Variants in C5orf15 observed in about 807,000 individuals in gnomAD.
The protein encoded by C5orf15 is keratinocyte-associated transmembrane protein 2.
In C5orf15, 10 loss-of-function variants were observed where a neutral mutation model predicts 17.8. That is an observed-to-expected ratio of 0.56 (90% CI 0.35 to 0.95). C5orf15 has a LOEUF of 0.95. Ranked by LOEUF, C5orf15 falls within the 40% of genes least tolerant of loss-of-function variation. C5orf15 has a pLI of 0.02. For missense variants in C5orf15, 319 were observed against 331.7 expected (o/e 0.96, Z 0.30); for synonymous variants, 124 against 131.0 (o/e 0.95, Z 0.36).
At chr5:133,962,305 T>C (rs371165455) in intron 1 of C5orf15, among the ~76,000 whole-genome samples, 1 of 152,334 alleles carries the variant, frequency 6.6e-6, no homozygotes. Flanking sequence ...TTTGCTTTCT[T>C]GTTATTACTG....
At position 133,959,884 on chromosome 5, in the gene C5orf15, C is replaced by T. The variant is rs781201368; in HGVS notation, c.276G>A (p.Thr92=). 168 of 1,613,798 alleles carry T rather than the reference C, an allele frequency of 1.0e-4. 1 individual carries two copies. Among genetic ancestry groups the T allele is most frequent in the East Asian group, 1.3e-4 (6 of 44,896 alleles). Residue 92 remains threonine (T), a synonymous_variant, in exon 2 of 3, where the codon ACG becomes ACA. Coordinates refer to ENST00000231512, the MANE Select transcript of C5orf15 (RefSeq NM_020199.3). The stretch of plus-strand genomic sequence containing the variant: ...ATGCTCCTCCACTTTTCTTGGTACT[C>T]GTCGTGGGAGGGAGGGTGGTGCTGA... The part of the protein sequence containing the change: ...SQISTTLPPT[T]STKKSGGASV...
chr5:133,963,761 CTTTTT>C lies in C5orf15; in HGVS notation c.140-3746_140-3742del, dbSNP rs570569434. On this transcript the variant is annotated intron_variant, in intron 1 of 2. Transcript: ENST00000231512. ...CATAGAAAGCTCATTTTATTTTTTT[CTTTTT>C]GAGACAGGGTCTCGCTTTGTCACTT... 2.0e-4 allele frequency among the ~76,000 whole-genome samples: 31 copies of C among 151,536 alleles called. No homozygotes were observed. In the East Asian group the frequency reaches 6.0e-3, roughly 29 times the overall value.
At chr5:133,961,545 CAAAA>C (rs756460747) in intron 1 of C5orf15, among the ~76,000 whole-genome samples, 1 of 61,326 alleles carries the variant, frequency 1.6e-5, no homozygotes, top group African/African-American at 5.5e-5. Flanking sequence ...GACCACATCT[CAAAA>C]AAAAAAAAAA....
chr5:133,967,988 C>T (rs1045856322), intron 1 of C5orf15, among the ~76,000 whole-genome samples: 3 of 152,150 alleles, frequency 2.0e-5, no homozygotes, highest in Non-Finnish European at 2.9e-5. Context: ...ATTCCTGAGT[C>T]CCCCAAACTC....
chr5:133,955,960 C>A lies in C5orf15; in HGVS notation c.*899G>T, dbSNP rs962513987. On this transcript the variant is annotated 3_prime_UTR_variant, in exon 3 of 3. Coordinates refer to ENST00000231512, the MANE Select transcript of C5orf15 (RefSeq NM_020199.3). ...AAATATCCTTTATGTATACAAACAA[C>A]TTCATTCAGGTATAATTTTAATTTG... The A allele has an allele frequency of 6.6e-5, 10 of 152,146 alleles. No homozygotes were observed. Among genetic ancestry groups the A allele is most frequent in the Non-Finnish European group, 1.5e-4 (10 of 68,012 alleles). 9.4% of individuals were successfully genotyped at this position (152,146 alleles called of 1,614,324 possible).
chr5:133,960,125 T>C (rs1206774094), intron 1 of C5orf15, 105 bp from the exon 2 acceptor site: 1 of 941,224 alleles, frequency 1.1e-6, no homozygotes, highest in Non-Finnish European at 1.6e-6. Context: ...TCTGCTACAT[T>C]CCTATAACTT....
rs114978232 is a variant in C5orf15 at position 133,958,068 on chromosome 5, C to T, written c.667-1078G>A. On this transcript the variant is annotated intron_variant, in intron 2 of 2. Coordinates refer to ENST00000231512, the MANE Select transcript of C5orf15 (RefSeq NM_020199.3). ...GTTCATCACAATATTATTTCTGAAC[C>T]AAAAATTGTAAACCATGAATCTAGT... Among the ~76,000 whole-genome samples, 286 of 151,798 alleles carry T rather than the reference C, an allele frequency of 1.9e-3. 1 individual carries two copies. Among genetic ancestry groups the T allele is most frequent in the South Asian group, 9.4e-3 (45 of 4,788 alleles).
intron 1 of C5orf15, among the ~76,000 whole-genome samples, chr5:133,964,416 G>C (rs1752166406): frequency 6.6e-6 from 1 of 152,108 alleles, no homozygotes; most frequent in African/African-American, 2.4e-5. Flanking sequence ...GAGGGGTGAG[G>C]TAGGAGGGAA....
rs372276960 is a variant in C5orf15 at position 133,956,851 on chromosome 5, A to G, written c.*8T>C. 3 of 1,579,628 alleles carry G rather than the reference A, an allele frequency of 1.9e-6. No individual in the cohort carries two copies. The highest frequency in any genetic ancestry group is 8.6e-7 in the Non-Finnish European group (1 of 1,168,690). ...AAAATTACATAAGCAAATTCAAATC[A>G]CAGTGCTTTAAAAAATATAATCATT... On this transcript the variant is annotated 3_prime_UTR_variant, in exon 3 of 3. Coordinates refer to ENST00000231512, the MANE Select transcript of C5orf15 (RefSeq NM_020199.3).
intron 1 of C5orf15, among the ~76,000 whole-genome samples, chr5:133,960,903 G>T (rs1347300072): frequency 1.3e-5 from 2 of 150,906 alleles, no homozygotes; most frequent in African/African-American, 4.9e-5. Context: ...AGTATCTGTT[G>T]AAGAACTTCA....
Position 133,959,851 on chromosome 5 carries a change from G to A in C5orf15, c.309C>T (p.Val103=). Residue 103 remains valine (V), a synonymous_variant, in exon 2 of 3, where the codon GTC becomes GTT. Coordinates refer to ENST00000231512, the MANE Select transcript of C5orf15 (RefSeq NM_020199.3). The part of the protein sequence containing the change: ...STKKSGGASV[V]PHPSPTPLSQ... ...ACAGAGGAGTAGGCGAGGGATGAGG[G>A]ACCACAGATGCTCCTCCACTTTTCT... The A allele has an allele frequency of 6.2e-7, 1 of 1,614,068 alleles. No homozygotes were observed. The highest frequency in any genetic ancestry group is 8.5e-7 in the Non-Finnish European group (1 of 1,179,996).
At chr5:133,961,390 C>CA (rs965403729) in intron 1 of C5orf15, among the ~76,000 whole-genome samples, 5 of 151,168 alleles carry the variant, frequency 3.3e-5, no homozygotes, top group Admixed American at 3.3e-4. Context: ...CTAAAAAATA[C>CA]AAAAAATTAG....
intron 1 of C5orf15, among the ~76,000 whole-genome samples, chr5:133,965,305 C>T (rs928484335): frequency 6.6e-6 from 1 of 152,210 alleles, no homozygotes; most frequent in Non-Finnish European, 1.5e-5. Flanking sequence ...CAGTATCACC[C>T]TATTCATTGT....
chr5:133,962,024 A>G (rs977832629), intron 1 of C5orf15, among the ~76,000 whole-genome samples: 1 of 152,206 alleles, frequency 6.6e-6, no homozygotes, highest in African/African-American at 2.4e-5. Context: ...TGCATTTATC[A>G]CTTCAACTTA....
At chr5:133,957,576 A>C (rs1399288800) in intron 2 of C5orf15, among the ~76,000 whole-genome samples, 1 of 152,224 alleles carries the variant, frequency 6.6e-6, no homozygotes, top group African/African-American at 2.4e-5. Context: ...GCCAAACACT[A>C]AACAGTGGGA....
rs747791240 is a variant in C5orf15 at position 133,968,606 on chromosome 5, G to T, written c.-22C>A. 11 of 1,593,894 alleles carry T rather than the reference G, an allele frequency of 6.9e-6. No homozygotes were observed. The African/African-American group carries it at 1.5e-4, about 21-fold the overall frequency. ...CCATAACGGACTCGGCTGGGAGCCT[G>T]CGCTGTTGCTAGGCTCTACGCCATG... On this transcript the variant is annotated 5_prime_UTR_variant, in exon 1 of 3. Coordinates refer to ENST00000231512, the MANE Select transcript of C5orf15 (RefSeq NM_020199.3).
At chr5:133,963,212 T>C (rs1752147037) in intron 1 of C5orf15, among the ~76,000 whole-genome samples, 1 of 152,234 alleles carries the variant, frequency 6.6e-6, no homozygotes, top group Non-Finnish European at 1.5e-5. Context: ...ACCAATCACA[T>C]TTTCCTCTAA....
intron 1 of C5orf15, among the ~76,000 whole-genome samples, chr5:133,967,711 G>A (rs1040043887): frequency 1.3e-5 from 2 of 152,192 alleles, no homozygotes; most frequent in African/African-American, 4.8e-5. Flanking sequence ...GAGGAATCAT[G>A]ATCTCCCTTG....
chr5:133,956,083 T>C lies in C5orf15; in HGVS notation c.*776A>G, dbSNP rs893333628. The C allele has an allele frequency of 1.1e-4, 17 of 152,644 alleles. No individual in the cohort carries two copies. Among genetic ancestry groups the C allele is most frequent in the African/African-American group, 3.6e-4 (15 of 41,456 alleles). 9.5% of individuals were successfully genotyped at this position (152,644 alleles called of 1,614,324 possible). A position where few individuals can be genotyped will look rare whatever the true frequency, so the allele number is the denominator to read the frequency against. ...AACGAAGTAAACGAATCTGATATAA[T>C]TTTAAACTCTGCCCATTGCTTGAAA... On this transcript the variant is annotated 3_prime_UTR_variant, in exon 3 of 3. Coordinates refer to ENST00000231512, the MANE Select transcript of C5orf15 (RefSeq NM_020199.3).
Sources: gnomAD v4.1 joint callset for allele counts (sites outside exome capture counted in the v4.1 genomes callset) on GRCh38, gnomAD v4.1.1 for gene constraint, MANE v1.5 for transcripts, NCBI Gene and HGNC (gene_info 2026-07-23, HGNC 2026-07-21) for gene names.